Variants in FBXO42 observed in about 807,000 individuals in gnomAD.
The protein encoded by FBXO42 is F-box only protein 42.
A neutral mutation model predicts 71.7 loss-of-function variants in FBXO42; 12 were observed. The ratio of observed to expected loss-of-function variants is 0.17; its 90% CI spans 0.11 to 0.27. The LOEUF is 0.27. Ranked by LOEUF, FBXO42 falls within the 10% of genes least tolerant of loss-of-function variation. FBXO42 has a pLI of 1.00. For synonymous variants in FBXO42, 325 were observed against 327.5 expected (o/e 0.99, Z 0.08); for missense variants, 707 against 911.9 (o/e 0.78, Z 2.89).
At chr1:16,254,184 C>T (rs927808198) in intron 6 of FBXO42, among the ~76,000 whole-genome samples, 3 of 152,168 alleles carry the variant, frequency 2.0e-5, no homozygotes, top group African/African-American at 4.8e-5. Flanking sequence ...GCCACGTCTG[C>T]GGCCAGACAC....
intron 2 of FBXO42, among the ~76,000 whole-genome samples, chr1:16,313,303 A>G (rs2082331984): frequency 6.7e-6 from 1 of 148,942 alleles, no homozygotes; most frequent in South Asian, 2.1e-4. Flanking sequence ...AGAGAGAGAA[A>G]GAAAGAAAGA....
intron 3 of FBXO42, among the ~76,000 whole-genome samples, chr1:16,304,059 C>T (rs921155751): frequency 6.6e-6 from 1 of 151,896 alleles, no homozygotes; most frequent in African/African-American, 2.4e-5. Flanking sequence ...CCCGCCTTGG[C>T]CTCCCAAAGT....
chr1:16,266,516 G>C (rs1364663961), intron 4 of FBXO42, among the ~76,000 whole-genome samples: 1 of 152,148 alleles, frequency 6.6e-6, no homozygotes, highest in African/African-American at 2.4e-5. Context: ...CAGCTCCACA[G>C]GCAGTATACC....
At chr1:16,268,704 C>T (rs544074164) in intron 4 of FBXO42, among the ~76,000 whole-genome samples, 6 of 152,278 alleles carry the variant, frequency 3.9e-5, no homozygotes, top group South Asian at 4.1e-4. Flanking sequence ...CAGCTCACGC[C>T]TGTAATCCCA....
chr1:16,283,508 T>G (rs909880952), intron 4 of FBXO42, among the ~76,000 whole-genome samples: 1 of 141,056 alleles, frequency 7.1e-6, no homozygotes, highest in Non-Finnish European at 1.5e-5. Flanking sequence ...TTTTTTTTTT[T>G]TTTTTTTTTG....
intron 2 of FBXO42, among the ~76,000 whole-genome samples, chr1:16,311,920 C>T (rs138389926): frequency 0.011 from 1,661 of 152,242 alleles, 31 homozygotes; most frequent in African/African-American, 0.037. Flanking sequence ...CACATGGATG[C>T]TTACACCAGC....
chr1:16,324,251 G>C (rs992461787), intron 1 of FBXO42, among the ~76,000 whole-genome samples: 1 of 152,090 alleles, frequency 6.6e-6, no homozygotes, highest in African/African-American at 2.4e-5. Context: ...TTGCAAGCTT[G>C]ACTGCTATCA....
At chr1:16,337,656 G>T (rs1207340348) in intron 1 of FBXO42, among the ~76,000 whole-genome samples, 1 of 151,332 alleles carries the variant, frequency 6.6e-6, no homozygotes, top group African/African-American at 2.4e-5. Flanking sequence ...GCCAAGGTGG[G>T]CGGATCACCT....
intron 4 of FBXO42, among the ~76,000 whole-genome samples, chr1:16,270,867 C>A (rs1338386563): frequency 1.3e-5 from 2 of 150,730 alleles, no homozygotes; most frequent in African/African-American, 4.9e-5. Flanking sequence ...AGACAAAAAG[C>A]CCTCAGCCCC....
chr1:16,319,262 C>T (rs2082394131), intron 1 of FBXO42, among the ~76,000 whole-genome samples: 1 of 152,154 alleles, frequency 6.6e-6, no homozygotes, highest in Non-Finnish European at 1.5e-5. Flanking sequence ...AGAACAGAAA[C>T]CTCCTACCTC....
Position 16,249,113 on chromosome 1 carries a change from A to G in FBXO42, c.*1557T>C, listed in dbSNP as rs2081564504. ...TTTTGAAATTAGGATTTAAATTTCA[A>G]AACAAAACAAAGGCAAAACAAAAAT... On this transcript the variant is annotated 3_prime_UTR_variant, in exon 10 of 10. Transcript: ENST00000375592. 6.6e-6 allele frequency: 1 copy of G among 152,278 alleles called. No individual in the cohort carries two copies. The highest frequency in any genetic ancestry group is 2.4e-5 in the African/African-American group (1 of 41,466). The allele number at this position is 152,278 out of a possible 1,614,324, so 9.4% of individuals were successfully genotyped here. A position where few individuals can be genotyped will look rare whatever the true frequency, so the allele number is the denominator to read the frequency against.
intron 4 of FBXO42, among the ~76,000 whole-genome samples, chr1:16,263,647 C>T (rs1569823633): frequency 6.7e-6 from 1 of 149,966 alleles, no homozygotes; most frequent in South Asian, 2.2e-4. Flanking sequence ...CGCTTGAACC[C>T]GGGAGGCAGA....
At chr1:16,314,153 T>A (rs1232597741) in intron 2 of FBXO42, among the ~76,000 whole-genome samples, 2 of 152,144 alleles carry the variant, frequency 1.3e-5, no homozygotes, top group Non-Finnish European at 2.9e-5. Context: ...GGTTTCACCA[T>A]GTTGGCCAGG....
intron 4 of FBXO42, among the ~76,000 whole-genome samples, chr1:16,263,014 C>T (rs1194593135): frequency 1.3e-5 from 2 of 151,940 alleles, no homozygotes; most frequent in African/African-American, 2.4e-5. Context: ...TTGGTAATTT[C>T]TATATCAAAG....
At chr1:16,282,340 C>T (rs953877653) in intron 4 of FBXO42, among the ~76,000 whole-genome samples, 3 of 151,574 alleles carry the variant, frequency 2.0e-5, no homozygotes, top group Admixed American at 2.0e-4. Context: ...ATTCTCCTGC[C>T]TCAGCCTCCC....
intron 1 of FBXO42, among the ~76,000 whole-genome samples, chr1:16,320,980 G>A (rs1318834673): frequency 6.6e-6 from 1 of 152,074 alleles, no homozygotes; most frequent in Non-Finnish European, 1.5e-5. Context: ...GTCTGTTGCA[G>A]AACAAAATGA....
intron 4 of FBXO42, among the ~76,000 whole-genome samples, chr1:16,269,909 G>A (rs550694013): frequency 6.6e-6 from 1 of 152,114 alleles, no homozygotes; most frequent in East Asian, 1.9e-4. Flanking sequence ...CACCCAAGCT[G>A]GAGTGCAGTG....
In FBXO42 at chr1:16,250,302, G is replaced by A. The variant is rs2081577200; in HGVS notation, c.*368C>T. On this transcript the variant is annotated 3_prime_UTR_variant, in exon 10 of 10. Coordinates refer to ENST00000375592, the MANE Select transcript of FBXO42 (RefSeq NM_018994.3). The surrounding 1 kb of genome is among the most constrained non-coding windows in gnomAD (Gnocchi z 4.7). Reference sequence around the variant, plus strand: ...AAGGCCACATAAAGATTTACAGGGGGCTCTTCAGTTTCTTTTGGGAAGTTA... The same window carrying A: ...AAGGCCACATAAAGATTTACAGGGGACTCTTCAGTTTCTTTTGGGAAGTTA... 6.6e-6 allele frequency: 1 copy of A among 152,620 alleles called. No individual in the cohort carries two copies. Among genetic ancestry groups the A allele is most frequent in the Non-Finnish European group, 1.5e-5 (1 of 68,134 alleles). The allele number at this position is 152,620 out of a possible 1,614,324, so 9.5% of individuals were successfully genotyped here. A position where few individuals can be genotyped will look rare whatever the true frequency, so the allele number is the denominator to read the frequency against.
intron 4 of FBXO42, among the ~76,000 whole-genome samples, chr1:16,271,987 A>G (rs933970946): frequency 2.0e-5 from 3 of 150,680 alleles, no homozygotes; most frequent in Non-Finnish European, 4.4e-5. Context: ...AAAAAAAAAA[A>G]AAAGAAAACA....
Sources: allele counts gnomAD v4.1 joint callset (sites outside exome capture counted in the v4.1 genomes callset), GRCh38; gene constraint gnomAD v4.1.1; non-coding constraint Gnocchi (gnomAD v3.1); transcripts MANE v1.5; gene names NCBI Gene and HGNC (gene_info 2026-07-23, HGNC 2026-07-21).